FAT1: variants seen among roughly 807,000 people sequenced by gnomAD.
FAT1 encodes FAT atypical cadherin 1.
FAT1 carries 171 observed loss-of-function variants against 329.8 expected under a neutral mutation model. The ratio of observed to expected loss-of-function variants is 0.52; its 90% CI spans 0.46 to 0.59. The LOEUF is 0.59. FAT1 is among the 20% of genes least tolerant of loss of function. The pLI is 0.00. For synonymous variants in FAT1, 2,233 were observed against 2,228.6 expected, an observed-to-expected ratio of 1.00 and a Z score of -0.06; for missense variants, 5,672 against 5,774.4, an observed-to-expected ratio of 0.98 and a Z score of 0.57.
chr4:186,720,765 G>T lies in FAT1; in HGVS notation c.-19+2899C>A, dbSNP rs140221633. On this transcript the variant is annotated intron_variant, in intron 1 of 26. Coordinates refer to ENST00000441802, the MANE Select transcript of FAT1 (RefSeq NM_005245.4). ...CTGGCCCAATGTTTGACACAGAGGA[G>T]GTCCACTATTGTTGGATTGGTAAAT... Among the ~76,000 whole-genome samples the T allele has an allele frequency of 4.2e-3, 635 of 152,334 alleles. 3 individuals are homozygous for T. Among genetic ancestry groups the T allele is most frequent in the South Asian group, 0.014 (70 of 4,830 alleles).
At chr4:186,687,505 T>C (rs896878074) in intron 2 of FAT1, among the ~76,000 whole-genome samples, 4 of 152,246 alleles carry the variant, frequency 2.6e-5, no homozygotes, top group African/African-American at 9.6e-5. Context: ...GGAACTTACA[T>C]ATTCAAAAAT....
intron 26 of FAT1, 59 bp from the exon 27 acceptor site, chr4:186,589,279 AAG>A (rs1326675178): frequency 2.6e-6 from 4 of 1,518,142 alleles, no homozygotes; most frequent in Non-Finnish European, 3.5e-6. Context: ...GTGCCATGGA[AAG>A]AGAGCTCAGT....
chr4:186,645,772 C>T (rs1208242646), intron 3 of FAT1, among the ~76,000 whole-genome samples: 1 of 151,134 alleles, frequency 6.6e-6, no homozygotes, highest in East Asian at 2.0e-4. Flanking sequence ...ATGGAGAAAC[C>T]CCATCTCTAC....
At chr4:186,621,823 G>A (rs187630806) in intron 9 of FAT1, 48 bp from the exon 10 acceptor site, 139 of 1,109,988 alleles carry the variant, frequency 1.3e-4, no homozygotes, top group Non-Finnish European at 1.5e-4. Context: ...ACAAGGGGCA[G>A]TAGTAGTAGT....
chr4:186,718,125 C>T (rs1015883011), intron 1 of FAT1, among the ~76,000 whole-genome samples: 1 of 152,134 alleles, frequency 6.6e-6, no homozygotes, highest in Non-Finnish European at 1.5e-5. Flanking sequence ...AAATGACAGA[C>T]CAGGAAAGTG....
At chr4:186,609,595 A>G (rs569720379) in intron 15 of FAT1, among the ~76,000 whole-genome samples, 35 of 151,826 alleles carry the variant, frequency 2.3e-4, no homozygotes, top group African/African-American at 7.5e-4. Flanking sequence ...TTTTTTTTGT[A>G]TTTTTAGTAG....
At position 186,707,515 on chromosome 4, in the gene FAT1, T is replaced by G. The variant is rs1325885927; in HGVS notation, c.2313A>C (p.Thr771=). Residue 771 remains threonine (T), a synonymous_variant, in exon 2 of 27, where the codon ACA becomes ACC. Transcript: ENST00000441802. ...GAGGAGATAAAATTTTCAGCATTCC[T>G]GTTTCCATATCAATCATGAAGCAAC... is the stretch of plus-strand genomic sequence containing the variant. ...EDSCFMIDME[T]GMLKILSPLD... 1.4e-5 allele frequency: 23 copies of G among 1,613,942 alleles called. No individual in the cohort carries two copies. The highest frequency in any genetic ancestry group is 1.8e-5 in the Non-Finnish European group (21 of 1,179,900).
At chr4:186,632,480 G>A (rs1437666186) in intron 7 of FAT1, among the ~76,000 whole-genome samples, 1 of 152,096 alleles carries the variant, frequency 6.6e-6, no homozygotes, top group East Asian at 1.9e-4. Flanking sequence ...AAGGGCTTAT[G>A]TTTAAAGAGA....
intron 2 of FAT1, among the ~76,000 whole-genome samples, chr4:186,690,556 G>C (rs999385264): frequency 2.0e-5 from 3 of 152,074 alleles, no homozygotes; most frequent in African/African-American, 7.2e-5. Flanking sequence ...ATTTAGCTAG[G>C]TGTGGTGGCT....
In FAT1 at chr4:186,618,003, G is replaced by A. The variant is rs1560938170; in HGVS notation, c.8583C>T (p.Ala2861=). The change falls in exon 10 of 27, where the codon GCC becomes GCT. Residue 2861 remains alanine (A), a synonymous_variant. Transcript: ENST00000441802. ...SQSVEVIESF[A]INMETGWITT... The stretch of plus-strand genomic sequence containing the variant: ...TAATCCAGCCTGTTTCCATGTTAAT[G>A]GCAAAGGATTCAATGACTTCCACAC... 2.5e-6 allele frequency: 4 copies of A among 1,613,990 alleles called. No individual in the cohort carries two copies. The highest frequency in any genetic ancestry group is 3.4e-6 in the Non-Finnish European group (4 of 1,179,896).
chr4:186,596,580 G>A lies in FAT1; in HGVS notation c.12960C>T (p.Ser4320=), dbSNP rs568983059. 1.2e-5 allele frequency: 19 copies of A among 1,613,048 alleles called. No individual in the cohort carries two copies. Among genetic ancestry groups the A allele is most frequent in the Middle Eastern group, 3.3e-4 (2 of 6,054 alleles). The change falls in exon 25 of 27, where the codon AGC becomes AGT. Residue 4320 remains serine (S), a synonymous_variant. Coordinates refer to ENST00000441802, the MANE Select transcript of FAT1 (RefSeq NM_005245.4). This position sits in a 1 kb window ranked among gnomAD's most constrained non-coding sequence, Gnocchi z 4.7. ...CCCAGCTAGGCTTCTGGATGGAGTCGCTGTCAGAAGGGGAGTTTGAAGGGG... is the reference window on the plus strand; with the variant it reads ...CCCAGCTAGGCTTCTGGATGGAGTCACTGTCAGAAGGGGAGTTTGAAGGGG... The part of the protein sequence containing the change: ...PPPPSNSPSD[S]DSIQKPSWDF...
chr4:186,674,503 T>C (rs968135146), intron 2 of FAT1, among the ~76,000 whole-genome samples: 13 of 152,228 alleles, frequency 8.5e-5, no homozygotes, highest in African/African-American at 2.9e-4. Flanking sequence ...AATCAATCAC[T>C]GTTAGTGGAA....
Position 186,707,429 on chromosome 4 carries a change from G to C in FAT1, c.2399C>G (p.Pro800Arg), listed in dbSNP as rs1437001305. Residue 800 changes from proline (P) to arginine (R), a missense_variant, in exon 2 of 27, where the codon CCC becomes CGC. Around this residue, in one of 2 missense-constraint regions of FAT1, gnomAD observed 3,966 missense variants for 3,915.2 expected, o/e 1.01. Transcript: ENST00000441802. ...TAGAAGACGCCACGCAGCCTTCTGG[G>C]GTATCCCAAGGTCATAGACGGTAAT... Reference protein sequence around the residue: ...LNITVYDLGIPQKAAWRLLHV... With the variant: ...LNITVYDLGIRQKAAWRLLHV... The C allele has an allele frequency of 1.2e-6, 2 of 1,613,926 alleles. No individual in the cohort carries two copies. Among genetic ancestry groups the C allele is most frequent in the Non-Finnish European group, 1.7e-6 (2 of 1,179,894 alleles).
rs374271097 is a variant in FAT1, at chr4:186,609,933, C to A, written c.9936G>T (p.Thr3312=). 1.2e-6 allele frequency: 2 copies of A among 1,612,800 alleles called. No homozygotes were observed. The highest frequency in any genetic ancestry group is 1.7e-6 in the Non-Finnish European group (2 of 1,178,812). ...YLTVEATDGG[T]PSLSDVATVN... is the part of the protein sequence containing the mutation. ...CAGTGGCAACGTCGCTCAGTGAAGG[C>A]GTGCCTCCATCAGTGGCCTCTACTG... The change falls in exon 15 of 27, where the codon ACG becomes ACT. Residue 3312 remains threonine, a synonymous_variant. Coordinates refer to ENST00000441802, the MANE Select transcript of FAT1 (RefSeq NM_005245.4).
rs1252349002 is a variant in FAT1 at position 186,706,749 on chromosome 4, C to T, written c.3079G>A (p.Glu1027Lys). ...YVEVEVVDVNENLHPPVFSSF... is the reference protein window; with the variant it reads ...YVEVEVVDVNKNLHPPVFSSF... The stretch of plus-strand genomic sequence containing the variant: ...GAAAACACGGGTGGGTGCAGGTTCT[C>T]ATTCACATCAACCACCTCAACTTCA... Residue 1027 changes from glutamate (E) to lysine (K), a missense_variant, in exon 2 of 27, where the codon GAG (glutamate) becomes AAG (lysine). Physicochemically the swap from Glu to Lys is moderately conservative, Grantham distance 56 (BLOSUM62 1). Transcript: ENST00000441802. 6.2e-7 allele frequency: 1 copy of T among 1,613,982 alleles called. No individual in the cohort carries two copies. The highest frequency in any genetic ancestry group is 1.1e-5 in the South Asian group (1 of 91,082).
At chr4:186,678,878 T>C (rs551385723) in intron 2 of FAT1, among the ~76,000 whole-genome samples, 1 of 152,186 alleles carries the variant, frequency 6.6e-6, no homozygotes. Flanking sequence ...TATTCTACTA[T>C]AAAGACACAT....
At position 186,603,229 on chromosome 4, in the gene FAT1, C is replaced by A. The variant is rs759868742; in HGVS notation, c.11297G>T (p.Arg3766Ile). The A allele has an allele frequency of 7.4e-6, 12 of 1,613,632 alleles. No individual in the cohort carries two copies. In the Middle Eastern group the frequency reaches 4.9e-4, roughly 66 times the overall value. Residue 3766 changes from arginine (R) to isoleucine (I), a missense_variant, in exon 19 of 27, where the codon AGA becomes ATA. By Grantham distance (97) the Arg-to-Ile change is moderately conservative (BLOSUM62 -3). Transcript: ENST00000441802. ...ESVMSTHSTA[R>I]LSFVTPRHHR... Reference sequence around the variant, plus strand: ...GTGGCGGGGAGTCACAAAACTCAGTCTGGCTGTGCTGTGTGTTGACATCAC... The same window carrying A: ...GTGGCGGGGAGTCACAAAACTCAGTATGGCTGTGCTGTGTGTTGACATCAC...
In FAT1 at chr4:186,603,422, C is replaced by T. The variant is rs1738918235; in HGVS notation, c.11104G>A (p.Gly3702Ser). 6.2e-7 allele frequency: 1 copy of T among 1,613,986 alleles called. No homozygotes were observed. Among genetic ancestry groups the T allele is most frequent in the Non-Finnish European group, 8.5e-7 (1 of 1,179,900 alleles). Reference sequence around the variant, plus strand: ...TGTTTTGTTGAGATCTGAGCACTACCTGGTTTCTCTACAAAAAGTAAGACG... The same window carrying T: ...TGTTTTGTTGAGATCTGAGCACTACTTGGTTTCTCTACAAAAAGTAAGACG... ...LDVLLFVEKP[G>S]SAQISTKQLL... Residue 3702 changes from glycine to serine, a missense_variant, in exon 19 of 27, where the codon GGT becomes AGT. This residue lies in a region of FAT1 where 1,706 missense variants were observed against 1,859.1 expected (regional missense o/e 0.92). Coordinates refer to ENST00000441802, the MANE Select transcript of FAT1 (RefSeq NM_005245.4).
chr4:186,708,946 G>C lies in FAT1; in HGVS notation c.882C>G (p.Ile294Met), dbSNP rs369362769. 6.2e-7 allele frequency: 1 copy of C among 1,613,858 alleles called. No individual in the cohort carries two copies. The highest frequency in any genetic ancestry group is 1.3e-5 in the African/African-American group (1 of 74,906). The change falls in exon 2 of 27, where the codon ATC becomes ATG. Residue 294 changes from isoleucine (I) to methionine (M), a missense_variant. By Grantham distance (10) the Ile-to-Met change is conservative. Transcript: ENST00000441802. ...GANGDIASLS[I>M]VAGDLLQQFR... is the part of the protein sequence containing the mutation. Reference sequence around the variant, plus strand: ...ACTGCTGGAGAAGGTCACCTGCCACGATGCTTAAAGATGCTATGTCACCAT... The same window carrying C: ...ACTGCTGGAGAAGGTCACCTGCCACCATGCTTAAAGATGCTATGTCACCAT...
Sources: gnomAD v4.1 joint callset for allele counts (sites outside exome capture counted in the v4.1 genomes callset) on GRCh38, gnomAD v4.1.1 for gene constraint, gnomAD v4.1.1 regional missense constraint, Gnocchi (gnomAD v3.1) non-coding constraint, MANE v1.5 for transcripts, NCBI Gene and HGNC (gene_info 2026-07-23, HGNC 2026-07-21) for gene names.